ZBBX: variants seen among roughly 807,000 people sequenced by gnomAD.
ZBBX encodes zinc finger B-box domain containing.
A neutral mutation model predicts 108.5 loss-of-function variants in ZBBX; 101 were observed. The ratio of observed to expected loss-of-function variants is 0.93; its 90% confidence interval spans 0.79 to 1.10. ZBBX has a LOEUF of 1.10. ZBBX is among the 50% of genes least tolerant of loss of function. ZBBX has a pLI of 0.00. For synonymous variants in ZBBX, 356 were observed against 323.4 expected (o/e 1.10, Z -1.08); for missense variants, 1,009 against 941.4 (o/e 1.07, Z -0.94).
intron 1 of ZBBX, among the ~76,000 whole-genome samples, chr3:167,392,505 T>C (rs535739379): frequency 9.3e-4 from 141 of 151,928 alleles, no homozygotes; most frequent in African/African-American, 3.2e-3. Context: ...TCAAACTGTT[T>C]TCCAAAGCAT....
At chr3:167,222,027 A>T in the ZBBX span, among the ~76,000 whole-genome samples, 2 of 151,894 alleles carry the variant, frequency 1.3e-5, no homozygotes, top group South Asian at 4.1e-4. Flanking sequence ...AACACTAAAA[A>T]TATGATCCAG....
chr3:167,190,074 A>G, the ZBBX span, among the ~76,000 whole-genome samples: 3 of 152,050 alleles, frequency 2.0e-5, no homozygotes, highest in African/African-American at 7.2e-5. Context: ...TTAGTTTTCT[A>G]TTTTCCTTTT....
At chr3:167,294,228 G>A (rs767241584) in intron 18 of ZBBX, among the ~76,000 whole-genome samples, 6 of 152,000 alleles carry the variant, frequency 3.9e-5, no homozygotes, top group Non-Finnish European at 7.4e-5. Context: ...AAAAGAGCCC[G>A]CATGGCCAAG....
At chr3:167,197,537 C>CA in the ZBBX span, among the ~76,000 whole-genome samples, 19 of 150,422 alleles carry the variant, frequency 1.3e-4, no homozygotes, top group Non-Finnish European at 2.1e-4. Context: ...GACTCCTTCT[C>CA]AAAAAAAATA....
intron 1 of ZBBX, among the ~76,000 whole-genome samples, chr3:167,400,444 C>T (rs531465413): frequency 3.3e-5 from 5 of 152,186 alleles, no homozygotes; most frequent in Non-Finnish European, 5.9e-5. Context: ...ATTTACATTT[C>T]GCTGATGACT....
Position 167,314,132 on chromosome 3 carries a change from A to G in ZBBX, c.1275-16T>C. 1 of 1,568,222 alleles carries G rather than the reference A, an allele frequency of 6.4e-7. No homozygotes were observed. ...AAAAGCACAACTTTCACATGTAGGA[A>G]CAAACAAAATAATAGAGTTGAAAAA... is the stretch of plus-strand genomic sequence containing the variant. On this transcript the variant is annotated splice_polypyrimidine_tract_variant and intron_variant, in intron 15 of 21. Transcript: ENST00000675490.
intron 20 of ZBBX, among the ~76,000 whole-genome samples, chr3:167,271,200 C>T (rs1726457346): frequency 7.6e-6 from 1 of 132,388 alleles, no homozygotes; most frequent in African/African-American, 2.5e-5. Flanking sequence ...AAAATTTGGA[C>T]TAAACAAGGT....
chr3:167,308,693 C>A (rs976080818), intron 16 of ZBBX, among the ~76,000 whole-genome samples: 2 of 152,018 alleles, frequency 1.3e-5, no homozygotes, highest in African/African-American at 4.8e-5. Context: ...AGCAAACTAA[C>A]AAAAGAACAG....
chr3:167,196,457 G>A, the ZBBX span, among the ~76,000 whole-genome samples: 722 of 152,096 alleles, frequency 4.7e-3, 3 homozygotes, highest in Non-Finnish European at 7.5e-3. Flanking sequence ...AGTCCATCCC[G>A]GCTATATTTA....
chr3:167,276,213 CA>C (rs202000603), intron 20 of ZBBX, among the ~76,000 whole-genome samples: 2,628 of 152,328 alleles, frequency 0.017, 74 homozygotes, highest in African/African-American at 0.06. Context: ...TGCAGTTCCT[CA>C]CCAGCAACGG....
In ZBBX at chr3:167,284,537, G is replaced by T. The variant is rs573936432; in HGVS notation, c.1997-2042C>A. ...TACTATGAGTAAGGACTGGACTTCT[G>T]CCAATTCACAGAAATGAAGAAAGAA... On this transcript the variant is annotated intron_variant, in intron 19 of 21. Coordinates refer to ENST00000675490, the MANE Select transcript of ZBBX (RefSeq NM_001199201.2). 2.0e-5 allele frequency among the ~76,000 whole-genome samples: 3 copies of T among 152,166 alleles called. No individual in the cohort carries two copies. In the East Asian group the frequency reaches 5.8e-4, roughly 29 times the overall value.
At chr3:167,315,611 G>A (rs143257774) in intron 15 of ZBBX, 139 bp downstream of exon 15, 53 of 610,058 alleles carry the variant, frequency 8.7e-5, no homozygotes, top group African/African-American at 8.5e-4. Context: ...TTTAAGCATG[G>A]GTTAAGTAAA....
chr3:167,381,104 C>G (rs1747684841), upstream of ZBBX, among the ~76,000 whole-genome samples: 1 of 152,010 alleles, frequency 6.6e-6, no homozygotes, highest in African/African-American at 2.4e-5. Context: ...ACAATCCTAA[C>G]TATTACAGTT....
intron 2 of ZBBX, among the ~76,000 whole-genome samples, chr3:167,375,635 C>T (rs1577124506): frequency 6.6e-6 from 1 of 151,880 alleles, no homozygotes; most frequent in African/African-American, 2.4e-5. Context: ...AACAAACACA[C>T]AAATTCATCT....
At chr3:167,195,374 G>A in the ZBBX span, among the ~76,000 whole-genome samples, 1 of 152,042 alleles carries the variant, frequency 6.6e-6, no homozygotes, top group Non-Finnish European at 1.5e-5. Flanking sequence ...TAAACAGGAA[G>A]GCTTTCTTAT....
chr3:167,270,050 T>C (rs1726250712), intron 20 of ZBBX, among the ~76,000 whole-genome samples: 1 of 152,184 alleles, frequency 6.6e-6, no homozygotes, highest in Non-Finnish European at 1.5e-5. Flanking sequence ...TTCCAAAGCA[T>C]ACATGCATGC....
chr3:167,332,184 T>A (rs890356841), intron 10 of ZBBX, among the ~76,000 whole-genome samples: 5 of 152,118 alleles, frequency 3.3e-5, no homozygotes, highest in African/African-American at 1.2e-4. Flanking sequence ...ACTAAGCCTA[T>A]GAAGCGGTTA....
At chr3:167,384,705 G>A (rs1415098271), upstream of ZBBX, among the ~76,000 whole-genome samples, 1 of 151,978 alleles carries the variant, frequency 6.6e-6, no homozygotes, top group Non-Finnish European at 1.5e-5. Flanking sequence ...TCCTAAAATA[G>A]ACCAATATAA....
chr3:167,317,534 A>G lies in ZBBX; in HGVS notation c.1047T>C (p.Thr349=). The part of the protein sequence containing the change: ...PDTFPHPHET[T]GDAQCSQNEN... The stretch of plus-strand genomic sequence containing the variant: ...CATTTTGAGAACACTGTGCATCACC[A>G]GTGGTTTCATGTGGATGTGGGAACG... The change falls in exon 13 of 22, where the codon ACT becomes ACC. Residue 349 remains threonine (T), a synonymous_variant. Coordinates refer to ENST00000675490, the MANE Select transcript of ZBBX (RefSeq NM_001199201.2). 2 of 1,611,318 alleles carry G rather than the reference A, an allele frequency of 1.2e-6. No homozygotes were observed. The highest frequency in any genetic ancestry group is 1.7e-6 in the Non-Finnish European group (2 of 1,178,474).
Sources: allele counts gnomAD v4.1 joint callset (sites outside exome capture counted in the v4.1 genomes callset), GRCh38; gene constraint gnomAD v4.1.1; transcripts MANE v1.5; gene names NCBI Gene and HGNC (gene_info 2026-07-23, HGNC 2026-07-21).